Variants in SPECC1L observed in about 807,000 individuals in gnomAD.
SPECC1L encodes cytospin-A.
Under a neutral mutation model 116.8 loss-of-function variants are expected in SPECC1L, and 40 were observed. The observed-to-expected ratio is 0.34, with a 90% confidence interval of 0.27 to 0.45. SPECC1L has a LOEUF of 0.45. Among genes scored for constraint, SPECC1L ranks in the 20% least tolerant of loss-of-function variants. SPECC1L has a pLI of 1.00. For missense variants in SPECC1L, 1,110 were observed against 1,373.6 expected (o/e 0.81, Z 3.03); for synonymous variants, 504 against 500.6 (o/e 1.01, Z -0.09).
In SPECC1L at chr22:24,417,082, C is replaced by G. The variant is rs533501361; in HGVS notation, c.*2459C>G. The G allele has an allele frequency of 6.6e-6, 1 of 152,498 alleles. No homozygotes were observed. Among genetic ancestry groups the G allele is most frequent in the Non-Finnish European group, 1.5e-5 (1 of 68,044 alleles). The allele number at this position is 152,498 out of a possible 1,614,324, so 9.4% of individuals were successfully genotyped here. A position where few individuals can be genotyped will look rare whatever the true frequency, so the allele number is the denominator to read the frequency against. ...GCTCTCAGTCCTGTGGCATCTGGCACGAAGTCTCCAAGAAGCCACTTTGCC... is the reference window on the plus strand; with the variant it reads ...GCTCTCAGTCCTGTGGCATCTGGCAGGAAGTCTCCAAGAAGCCACTTTGCC... On this transcript the variant is annotated 3_prime_UTR_variant, in exon 17 of 17. Transcript: ENST00000314328.
chr22:24,327,677 G>A (rs1242898286), intron 6 of SPECC1L, among the ~76,000 whole-genome samples: 4 of 151,794 alleles, frequency 2.6e-5, no homozygotes, highest in Non-Finnish European at 5.9e-5. Flanking sequence ...CCTAGGTAAC[G>A]ATTTCAGCAT....
chr22:24,398,245 G>A (rs552313789), intron 14 of SPECC1L, among the ~76,000 whole-genome samples: 71 of 152,326 alleles, frequency 4.7e-4, no homozygotes, highest in African/African-American at 1.7e-3. Context: ...GGGGAGAAGA[G>A]GACAGGATGT....
At chr22:24,395,383 G>A (rs1281136212) in intron 14 of SPECC1L, among the ~76,000 whole-genome samples, 3 of 152,108 alleles carry the variant, frequency 2.0e-5, no homozygotes, top group Non-Finnish European at 4.4e-5. Flanking sequence ...TAGAGTGAAG[G>A]ATTTAAGAGC....
chr22:24,283,143 A>G (rs182716895), intron 2 of SPECC1L, among the ~76,000 whole-genome samples: 38 of 151,552 alleles, frequency 2.5e-4, no homozygotes, highest in African/African-American at 9.0e-4. Context: ...CAGTAGTTCT[A>G]CCTCGGCTCA....
In SPECC1L at chr22:24,415,016, G is replaced by T. The variant is rs536381638; in HGVS notation, c.*393G>T. The stretch of plus-strand genomic sequence containing the variant: ...AACTCACTAGGGTTGATGAAGGCTC[G>T]GCCGCGGCACTTCCTGACTATTGGC... On this transcript the variant is annotated 3_prime_UTR_variant, in exon 17 of 17. Coordinates refer to ENST00000314328, the MANE Select transcript of SPECC1L (RefSeq NM_015330.6). The T allele has an allele frequency of 1.1e-5, 3 of 262,362 alleles. No homozygotes were observed. The highest frequency in any genetic ancestry group is 7.6e-6 in the Non-Finnish European group (1 of 131,096). The allele number at this position is 262,362 out of a possible 1,614,324, so 16.3% of individuals were successfully genotyped here.
At chr22:24,306,875 T>C (rs1483524112) in intron 3 of SPECC1L, among the ~76,000 whole-genome samples, 1 of 152,224 alleles carries the variant, frequency 6.6e-6, no homozygotes, top group Non-Finnish European at 1.5e-5. Context: ...TTCACTGCTC[T>C]AGCTACCTTA....
At chr22:24,314,797 C>G (rs1427929616) in intron 4 of SPECC1L, among the ~76,000 whole-genome samples, 1 of 152,202 alleles carries the variant, frequency 6.6e-6, no homozygotes, top group Non-Finnish European at 1.5e-5. Context: ...ATACAAGACT[C>G]CTTCATAGGT....
chr22:24,351,048 C>G (rs2041411156), intron 11 of SPECC1L, among the ~76,000 whole-genome samples: 1 of 152,184 alleles, frequency 6.6e-6, no homozygotes, highest in African/African-American at 2.4e-5. Context: ...CCCATACCTC[C>G]TGAGCTCAGC....
intron 1 of SPECC1L, among the ~76,000 whole-genome samples, chr22:24,276,419 C>T (rs1055725234): frequency 6.6e-5 from 10 of 151,862 alleles, no homozygotes; most frequent in African/African-American, 2.2e-4. Context: ...GGCTACGAAG[C>T]GAGACTCTGT....
At chr22:24,408,250 G>A (rs2042629258) in intron 14 of SPECC1L, among the ~76,000 whole-genome samples, 1 of 152,232 alleles carries the variant, frequency 6.6e-6, no homozygotes, top group African/African-American at 2.4e-5. Context: ...GTGTTCAGGG[G>A]TCTTCAGTCA....
chr22:24,279,757 T>G (rs1050606766), intron 2 of SPECC1L, among the ~76,000 whole-genome samples: 2 of 151,952 alleles, frequency 1.3e-5, no homozygotes, highest in Admixed American at 1.3e-4. Context: ...TAATTTTTTG[T>G]ATTTTTAGTA....
intron 2 of SPECC1L, among the ~76,000 whole-genome samples, chr22:24,299,286 CG>C (rs748543153): frequency 1.3e-4 from 19 of 151,830 alleles, no homozygotes; most frequent in Non-Finnish European, 2.5e-4. Context: ...TTTTAAAGAA[CG>C]GGGGTGAGGC....
chr22:24,289,536 A>G (rs1268711013), intron 2 of SPECC1L, among the ~76,000 whole-genome samples: 1 of 152,232 alleles, frequency 6.6e-6, no homozygotes, highest in Non-Finnish European at 1.5e-5. Context: ...AAAAAAATCC[A>G]GGAAGCTTCT....
intron 2 of SPECC1L, among the ~76,000 whole-genome samples, chr22:24,282,640 A>C (rs1042911412): frequency 1.2e-4 from 18 of 152,094 alleles, no homozygotes; most frequent in African/African-American, 2.9e-4. Flanking sequence ...TTAGTAGGTT[A>C]TCCTCTGTGT....
intron 2 of SPECC1L, among the ~76,000 whole-genome samples, chr22:24,282,576 C>T (rs774995238): frequency 7.9e-5 from 12 of 152,220 alleles, no homozygotes; most frequent in East Asian, 3.9e-4. Flanking sequence ...TTCAGTCTTA[C>T]GTCATTCAGT....
chr22:24,285,706 C>T (rs1010928579), intron 2 of SPECC1L, among the ~76,000 whole-genome samples: 4 of 151,952 alleles, frequency 2.6e-5, no homozygotes, highest in East Asian at 1.9e-4. Flanking sequence ...TGCAGTGTCG[C>T]GGTCTCAGCT....
rs138270555 is a variant in SPECC1L at position 24,335,024 on chromosome 22, A to G, written c.2560+451A>G. On this transcript the variant is annotated intron_variant, in intron 9 of 16. Coordinates refer to ENST00000314328, the MANE Select transcript of SPECC1L (RefSeq NM_015330.6). Reference sequence around the variant, plus strand: ...GCCATCTTCAGCCTTCTCCCCATGCATCAATGGCAGCATCACTCTACCCAG... The same window carrying G: ...GCCATCTTCAGCCTTCTCCCCATGCGTCAATGGCAGCATCACTCTACCCAG... Among the ~76,000 whole-genome samples the G allele has an allele frequency of 2.6e-3, 401 of 152,310 alleles. 2 individuals carry two copies. Among genetic ancestry groups the G allele is most frequent in the African/African-American group, 9.0e-3 (373 of 41,568 alleles).
chr22:24,336,564 A>G (rs2146527646), intron 9 of SPECC1L, among the ~76,000 whole-genome samples: 1 of 152,258 alleles, frequency 6.6e-6, no homozygotes, highest in South Asian at 2.1e-4. Context: ...TGGACAACAG[A>G]GCAAGACTCT....
chr22:24,331,978 A>G (rs924182970), intron 8 of SPECC1L, among the ~76,000 whole-genome samples: 1 of 152,242 alleles, frequency 6.6e-6, no homozygotes, highest in African/African-American at 2.4e-5. Context: ...TTTATGTGCT[A>G]TACTCAAGAC....
Sources: allele counts gnomAD v4.1 joint callset (sites outside exome capture counted in the v4.1 genomes callset), GRCh38; gene constraint gnomAD v4.1.1; transcripts MANE v1.5; gene names NCBI Gene and HGNC (gene_info 2026-07-23, HGNC 2026-07-21).